The following GLB1 variants were observed in gnomAD, a reference collection of about 807,000 sequenced individuals.
GLB1 encodes beta-galactosidase.
GLB1 carries 56 observed loss-of-function variants against 74.0 expected under a neutral mutation model. That is an observed-to-expected ratio of 0.76 (90% CI 0.61 to 0.94). GLB1 has a LOEUF of 0.94. GLB1 is among the 40% of genes least tolerant of loss of function. GLB1 has a pLI of 0.00. For synonymous variants in GLB1, 323 were observed against 323.6 expected, an observed-to-expected ratio of 1.00 and a Z score of 0.02; for missense variants, 787 against 845.5, an observed-to-expected ratio of 0.93 and a Z score of 0.86.
At chr3:33,068,191 G>A in intron 4 of GLB1, 39 bp downstream of exon 4, 1 of 1,613,684 alleles carries the variant, frequency 6.2e-7, no homozygotes, top group Non-Finnish European at 8.5e-7. Context: ...CTAGGCTGAA[G>A]CTTTTATAAA....
chr3:32,994,498 ATGAC>A (rs1237650799), downstream of GLB1, among the ~76,000 whole-genome samples: 1 of 152,248 alleles, frequency 6.6e-6, no homozygotes, highest in Non-Finnish European at 1.5e-5. Flanking sequence ...GAAATCAAGA[ATGAC>A]TGAAGGCACA....
the GLB1 span, among the ~76,000 whole-genome samples, chr3:32,972,710 T>C: frequency 6.6e-6 from 1 of 152,202 alleles, no homozygotes; most frequent in African/African-American, 2.4e-5. Context: ...TGGTGCTTTC[T>C]ATTAACACCT....
intron 1 of GLB1, chr3:33,077,156 T>A: frequency 6.9e-7 from 1 of 1,450,614 alleles, no homozygotes; most frequent in South Asian, 1.2e-5. Flanking sequence ...TTCGGTGCAG[T>A]CTTGGTACCT....
rs146636675 is a variant in GLB1 at position 33,073,544 on chromosome 3, C to T, written c.76-831G>A. 8.4e-3 allele frequency among the ~76,000 whole-genome samples: 1,281 copies of T among 151,888 alleles called. 11 individuals are homozygous for T. Among genetic ancestry groups the T allele is most frequent in the African/African-American group, 0.026 (1,061 of 41,378 alleles). ...CTCTACCAAAAATACAAAAATTAGC[C>T]GGGCATGGTGGTGCACGTCTATAAT... On this transcript the variant is annotated intron_variant, in intron 1 of 15. Coordinates refer to ENST00000307363, the MANE Select transcript of GLB1 (RefSeq NM_000404.4).
chr3:33,092,884 G>C lies in GLB1; in HGVS notation c.75+4127C>G, dbSNP rs759268790. On this transcript the variant is annotated intron_variant, in intron 1 of 15. Coordinates refer to ENST00000307363, the MANE Select transcript of GLB1 (RefSeq NM_000404.4). ...TCTGTGATCTCGGCCCTGCTACCCAGCCTCATGGGTATCCCGTAGTAGGCT... is the reference window on the plus strand; with the variant it reads ...TCTGTGATCTCGGCCCTGCTACCCACCCTCATGGGTATCCCGTAGTAGGCT... 11 of 1,613,762 alleles carry C rather than the reference G, an allele frequency of 6.8e-6. No homozygotes were observed. The South Asian group carries it at 1.2e-4, about 18-fold the overall frequency.
chr3:32,966,834 G>A, the GLB1 span, among the ~76,000 whole-genome samples: 7 of 152,298 alleles, frequency 4.6e-5, no homozygotes, highest in East Asian at 3.9e-4. Flanking sequence ...TTTTATAAAG[G>A]ACAGTTCCCC....
intron 1 of GLB1, among the ~76,000 whole-genome samples, chr3:33,078,152 G>A (rs1700190788): frequency 6.6e-6 from 1 of 152,190 alleles, no homozygotes; most frequent in African/African-American, 2.4e-5. Flanking sequence ...GCTGAGGCAG[G>A]AAGATTGCTC....
intron 1 of GLB1, among the ~76,000 whole-genome samples, chr3:33,079,984 A>G (rs1336845976): frequency 6.6e-6 from 1 of 152,072 alleles, no homozygotes; most frequent in Non-Finnish European, 1.5e-5. Context: ...GGATCTCACT[A>G]TGTTGCCCAG....
At chr3:32,966,337 T>G in the GLB1 span, among the ~76,000 whole-genome samples, 1 of 152,230 alleles carries the variant, frequency 6.6e-6, no homozygotes, top group Non-Finnish European at 1.5e-5. Context: ...GGAGATCATT[T>G]TGGAACTTTA....
chr3:33,068,036 C>T (rs899670141), intron 4 of GLB1, among the ~76,000 whole-genome samples, 194 bp downstream of exon 4: 1 of 152,294 alleles, frequency 6.6e-6, no homozygotes, highest in Non-Finnish European at 1.5e-5. Flanking sequence ...CAGGCGCCCA[C>T]CACCATGCCC....
At chr3:33,004,031 A>G (rs986854420) in intron 15 of GLB1, among the ~76,000 whole-genome samples, 4 of 149,210 alleles carry the variant, frequency 2.7e-5, no homozygotes, top group Non-Finnish European at 3.0e-5. Flanking sequence ...CTCCATTTCA[A>G]AAAAAAAAAG....
the GLB1 span, among the ~76,000 whole-genome samples, chr3:32,985,503 G>T: frequency 6.6e-6 from 1 of 152,002 alleles, no homozygotes; most frequent in Admixed American, 6.6e-5. Context: ...TGTGGGTCAG[G>T]CTGGTCTCGA....
intron 1 of GLB1, chr3:33,077,279 G>T: frequency 6.4e-7 from 1 of 1,573,404 alleles, no homozygotes; most frequent in Non-Finnish European, 8.6e-7. Context: ...GGCAGGGCAG[G>T]AGGGTTCTGT....
the GLB1 span, among the ~76,000 whole-genome samples, chr3:32,976,605 G>A: frequency 0.42 from 63,570 of 151,938 alleles, 15,499 homozygotes; most frequent in South Asian, 0.55. Context: ...CAGCAGTGCC[G>A]GGACTCTTCT....
At chr3:32,971,086 C>T in the GLB1 span, among the ~76,000 whole-genome samples, 1 of 152,166 alleles carries the variant, frequency 6.6e-6, no homozygotes, top group Non-Finnish European at 1.5e-5. Context: ...AATCGGATGC[C>T]CGGACTGTAA....
At position 33,065,479 on chromosome 3, in the gene GLB1, G is replaced by C; in HGVS notation, c.536C>G (p.Pro179Arg). ...MKPLLYQNGG[P>R]VITVQVENEY... ...CAGGGTTACCTGCACTGTTATAACT[G>C]GCCCTCCATTCTGATAGAGGAGAGG... The change falls in exon 5 of 16, where the codon CCA becomes CGA. Residue 179 changes from proline to arginine, a missense_variant. Transcript: ENST00000307363. 1 of 1,583,264 alleles carries C rather than the reference G, an allele frequency of 6.3e-7. No homozygotes were observed. The highest frequency in any genetic ancestry group is 8.6e-7 in the Non-Finnish European group (1 of 1,161,332).
chr3:33,020,787 T>C (rs115868892), intron 12 of GLB1, among the ~76,000 whole-genome samples: 129 of 152,322 alleles, frequency 8.5e-4, no homozygotes, highest in African/African-American at 2.9e-3. Context: ...TGTGTGATCA[T>C]TGTATTGTGG....
At position 33,045,944 on chromosome 3, in the gene GLB1, A is replaced by G. The variant is rs72854793; in HGVS notation, c.1068+176T>C. 4.5e-3 allele frequency among the ~76,000 whole-genome samples: 685 copies of G among 152,320 alleles called. 9 individuals are homozygous for G. The highest frequency in any genetic ancestry group is 0.015 in the African/African-American group (619 of 41,568). ...TACTCTCCTATAAGCATCTGCTCAT[A>G]GACTCACTCTTAACCACGTGGGTAC... On this transcript the variant is annotated intron_variant, in intron 10 of 15. Coordinates refer to ENST00000307363, the MANE Select transcript of GLB1 (RefSeq NM_000404.4).
intron 11 of GLB1, among the ~76,000 whole-genome samples, chr3:33,022,281 C>A (rs566874687): frequency 5.7e-4 from 87 of 152,178 alleles, no homozygotes; most frequent in Middle Eastern, 3.4e-3. Flanking sequence ...ATATTCAATA[C>A]AAAGGATTGT....
Sources: allele counts gnomAD v4.1 joint callset (sites outside exome capture counted in the v4.1 genomes callset), GRCh38; gene constraint gnomAD v4.1.1; transcripts MANE v1.5; gene names NCBI Gene and HGNC (gene_info 2026-07-23, HGNC 2026-07-21).